ACVR1C: variants seen among roughly 807,000 people sequenced by gnomAD.
The protein encoded by ACVR1C is activin A receptor type 1C.
In ACVR1C, 23 loss-of-function variants were observed where a neutral mutation model predicts 57.9. That is an observed-to-expected ratio of 0.40 (90% CI 0.29 to 0.56). The LOEUF is 0.56. Among genes scored for constraint, ACVR1C ranks in the 20% least tolerant of loss-of-function variants. The probability of loss-of-function intolerance (pLI) is 0.50; values close to 1 mark genes in which losing one functional copy is unlikely to be tolerated. For missense variants in ACVR1C, 480 were observed against 607.9 expected, an observed-to-expected ratio of 0.79 and a Z score of 2.21; for synonymous variants, 214 against 215.3, an observed-to-expected ratio of 0.99 and a Z score of 0.05.
intron 3 of ACVR1C, among the ~76,000 whole-genome samples, chr2:157,551,321 A>G (rs1687920443): frequency 6.6e-6 from 1 of 152,182 alleles, no homozygotes; most frequent in Admixed American, 6.5e-5. Flanking sequence ...CATGTTCAGC[A>G]CCTAGCACAG....
chr2:157,546,425 C>G (rs756203613), intron 4 of ACVR1C, among the ~76,000 whole-genome samples: 17 of 152,180 alleles, frequency 1.1e-4, no homozygotes, highest in Non-Finnish European at 8.8e-5. Flanking sequence ...TGCTAAGCCT[C>G]TCTTTTTCCA....
chr2:157,540,498 C>T lies in ACVR1C; in HGVS notation c.1225+592G>A, dbSNP rs1378807022. Among the ~76,000 whole-genome samples the T allele has an allele frequency of 3.9e-5, 6 of 152,126 alleles. No homozygotes were observed. The East Asian group carries it at 1.2e-3, about 29-fold the overall frequency. ...TTTTTAGTAGAGACAGGTTTCTCCA[C>T]GTTGGTCAGGCTGGTCTCGAACTCC... On this transcript the variant is annotated intron_variant, in intron 7 of 8. Transcript: ENST00000243349.
chr2:157,600,881 A>G (rs759421074), intron 1 of ACVR1C, among the ~76,000 whole-genome samples: 9 of 152,170 alleles, frequency 5.9e-5, no homozygotes, highest in Non-Finnish European at 1.3e-4. Context: ...TGCAAACATA[A>G]AAAGGGCGCA....
chr2:157,577,869 TTTTTTG>T (rs1006085031), intron 2 of ACVR1C, among the ~76,000 whole-genome samples: 19 of 152,198 alleles, frequency 1.2e-4, no homozygotes, highest in Admixed American at 2.6e-4. Context: ...TTGTTTTTGT[TTTTTTG>T]TTTTTGTTTT....
chr2:157,556,060 C>G (rs755270325), intron 3 of ACVR1C, 33 bp downstream of exon 3: 1 of 1,582,400 alleles, frequency 6.3e-7, no homozygotes, highest in Non-Finnish European at 8.6e-7. Flanking sequence ...AAAGTGTTTT[C>G]TTATTTTAAA....
intron 1 of ACVR1C, among the ~76,000 whole-genome samples, chr2:157,625,279 G>A (rs1457098920): frequency 6.6e-6 from 1 of 152,082 alleles, no homozygotes; most frequent in Non-Finnish European, 1.5e-5. Context: ...TCCATTGCTT[G>A]GGTCAAAAAT....
intron 3 of ACVR1C, among the ~76,000 whole-genome samples, chr2:157,554,912 T>C (rs71421037): frequency 0.01 from 1,524 of 152,068 alleles, 21 homozygotes; most frequent in Middle Eastern, 0.037. Flanking sequence ...TTTCTGGATA[T>C]ATATATATAT....
At chr2:157,544,674 T>C in intron 4 of ACVR1C, 62 bp from the exon 5 acceptor site, 1 of 1,409,898 alleles carries the variant, frequency 7.1e-7, no homozygotes, top group Non-Finnish European at 9.8e-7. Context: ...CAAAAGCTTT[T>C]AAAAATATCA....
chr2:157,565,284 C>T (rs1352477771), intron 2 of ACVR1C, among the ~76,000 whole-genome samples: 3 of 152,048 alleles, frequency 2.0e-5, no homozygotes, highest in Middle Eastern at 3.2e-3. Context: ...AAGTCACAAA[C>T]ATCAACTTTT....
rs1687242712 is a variant in ACVR1C, at chr2:157,526,851, C to T, written c.*7067G>A. On this transcript the variant is annotated 3_prime_UTR_variant, in exon 9 of 9. Coordinates refer to ENST00000243349, the MANE Select transcript of ACVR1C (RefSeq NM_145259.3). ...AGAAGTGCTTGATTTATTATCTTTCCCACTTTACAAAACAATACATTTTCA... is the reference window on the plus strand; with the variant it reads ...AGAAGTGCTTGATTTATTATCTTTCTCACTTTACAAAACAATACATTTTCA... 1 of 152,094 alleles carries T rather than the reference C, an allele frequency of 6.6e-6. No individual in the cohort carries two copies. The highest frequency in any genetic ancestry group is 1.5e-5 in the Non-Finnish European group (1 of 68,012). 9.4% of individuals were successfully genotyped at this position (152,094 alleles called of 1,614,324 possible).
intron 2 of ACVR1C, among the ~76,000 whole-genome samples, chr2:157,559,898 G>A (rs1688196232): frequency 6.6e-6 from 1 of 150,700 alleles, no homozygotes; most frequent in Non-Finnish European, 1.5e-5. Flanking sequence ...AGAGAGGGAA[G>A]GAAGGAAAGA....
chr2:157,553,870 A>G (rs1687981304), intron 3 of ACVR1C, among the ~76,000 whole-genome samples: 1 of 152,078 alleles, frequency 6.6e-6, no homozygotes, highest in African/African-American at 2.4e-5. Context: ...AGTATTGAAT[A>G]TCAACAAGTT....
intron 8 of ACVR1C, among the ~76,000 whole-genome samples, chr2:157,534,312 C>T (rs1053442883): frequency 6.6e-6 from 1 of 152,050 alleles, no homozygotes; most frequent in Non-Finnish European, 1.5e-5. Context: ...CTGTACCTGC[C>T]ATTGATGCTA....
intron 1 of ACVR1C, among the ~76,000 whole-genome samples, chr2:157,592,220 C>A (rs1409835185): frequency 6.6e-6 from 1 of 151,994 alleles, no homozygotes; most frequent in African/African-American, 2.4e-5. Context: ...TATCTAAATT[C>A]TGTATTAAGT....
chr2:157,547,270 A>G (rs2105213296), intron 4 of ACVR1C, among the ~76,000 whole-genome samples: 1 of 118,256 alleles, frequency 8.5e-6, no homozygotes, highest in Middle Eastern at 3.7e-3. Context: ...TAATGCCGCA[A>G]TAAACACATG....
rs866164724 is a variant in ACVR1C, at chr2:157,532,677, G to A, written c.*1241C>T. On this transcript the variant is annotated 3_prime_UTR_variant, in exon 9 of 9. Transcript: ENST00000243349. ...AGTAGAATGAAGGCAAAACTATCAT[G>A]AGCATTCTTCTGTACTCACTCACTC... is the stretch of plus-strand genomic sequence containing the variant. The A allele has an allele frequency of 2.6e-5, 4 of 152,238 alleles. No individual in the cohort carries two copies. The highest frequency in any genetic ancestry group is 3.4e-3 in the Middle Eastern group (1 of 292). 9.4% of individuals were successfully genotyped at this position (152,238 alleles called of 1,614,324 possible). A position where few individuals can be genotyped will look rare whatever the true frequency, so the allele number is the denominator to read the frequency against.
chr2:157,617,480 G>A (rs1346628004), intron 1 of ACVR1C, among the ~76,000 whole-genome samples: 1 of 152,042 alleles, frequency 6.6e-6, no homozygotes, highest in Non-Finnish European at 1.5e-5. Flanking sequence ...AGATGCCTTT[G>A]GGAGTACCGC....
At chr2:157,621,954 A>G (rs1272666719) in intron 1 of ACVR1C, among the ~76,000 whole-genome samples, 3 of 152,164 alleles carry the variant, frequency 2.0e-5, no homozygotes, top group Non-Finnish European at 4.4e-5. Context: ...AGGTAATAAG[A>G]AAAAGTTACT....
intron 1 of ACVR1C, among the ~76,000 whole-genome samples, chr2:157,592,365 C>G (rs184875455): frequency 1.3e-5 from 2 of 152,046 alleles, no homozygotes; most frequent in Admixed American, 1.3e-4. Context: ...AAAAATTTAT[C>G]CTGGTTAAAA....
Sources: gnomAD v4.1 joint callset for allele counts (sites outside exome capture counted in the v4.1 genomes callset) on GRCh38, gnomAD v4.1.1 for gene constraint, MANE v1.5 for transcripts, NCBI Gene and HGNC (gene_info 2026-07-23, HGNC 2026-07-21) for gene names.